The following DLGAP1 variants were observed in gnomAD, a reference collection of about 807,000 sequenced individuals.
The protein encoded by DLGAP1 is DLG associated protein 1.
In DLGAP1, 11 loss-of-function variants were observed where a neutral mutation model predicts 90.8. That is an observed-to-expected ratio of 0.12 (90% CI 0.08 to 0.20). The LOEUF (loss-of-function observed/expected upper bound fraction) is 0.20. DLGAP1 is among the 10% of genes least tolerant of loss of function. The pLI is 1.00. For missense variants in DLGAP1, 1,050 were observed against 1,333.8 expected, an observed-to-expected ratio of 0.79 and a Z score of 3.31; for synonymous variants, 558 against 540.7, an observed-to-expected ratio of 1.03 and a Z score of -0.44.
chr18:3,667,503 G>A (rs1227920334), intron 7 of DLGAP1, among the ~76,000 whole-genome samples: 1 of 152,166 alleles, frequency 6.6e-6, no homozygotes, highest in Non-Finnish European at 1.5e-5. Context: ...TGAGAACTAT[G>A]TGAGTTTTCC....
intron 2 of DLGAP1, among the ~76,000 whole-genome samples, chr18:4,043,298 AAATT>A (rs1388478751): frequency 6.6e-6 from 1 of 152,268 alleles, no homozygotes; most frequent in Non-Finnish European, 1.5e-5. Flanking sequence ...GACAAGCTTG[AAATT>A]AATCACCAAA....
intron 1 of DLGAP1, among the ~76,000 whole-genome samples, chr18:4,360,215 G>A (rs951762357): frequency 5.9e-5 from 9 of 152,176 alleles, no homozygotes; most frequent in Non-Finnish European, 1.0e-4. Flanking sequence ...GTGTGCTAAA[G>A]TTTAATTTTG....
chr18:3,543,059 T>C (rs1446027307), intron 9 of DLGAP1, among the ~76,000 whole-genome samples: 1 of 152,170 alleles, frequency 6.6e-6, no homozygotes, highest in East Asian at 1.9e-4. Flanking sequence ...CCAAAAAATG[T>C]TATTGTTGTT....
At chr18:4,339,238 T>C (rs933509630) in intron 1 of DLGAP1, among the ~76,000 whole-genome samples, 1 of 152,136 alleles carries the variant, frequency 6.6e-6, no homozygotes, top group Non-Finnish European at 1.5e-5. Context: ...GACCAAACAC[T>C]GCATGTTCTT....
At chr18:4,249,946 A>G (rs572225916) in intron 1 of DLGAP1, among the ~76,000 whole-genome samples, 2 of 152,252 alleles carry the variant, frequency 1.3e-5, no homozygotes, top group East Asian at 3.9e-4. Flanking sequence ...TCTCTGTCCT[A>G]TTCCACTGTC....
rs953337342 is a variant in DLGAP1, at chr18:3,499,385, C to A, written c.2734G>T (p.Ala912Ser). The stretch of plus-strand genomic sequence containing the variant: ...GGCTTCTTTGGCACTGGAGGAGGGG[C>A]CCTTCTCTCCTGATCAAAGCAGAAG... ...MDPLDKKERRAPPPVPKKPAK... is the reference protein window; with the variant it reads ...MDPLDKKERRSPPPVPKKPAK... The change falls in exon 13 of 13, where the codon GCC (alanine) becomes TCC (serine). Residue 912 changes from alanine (A) to serine (S), a missense_variant. Ala to Ser is a moderately conservative substitution (Grantham distance 99). This residue lies in a region of DLGAP1 where 565 missense variants were observed against 879.7 expected (regional missense o/e 0.64). Coordinates refer to ENST00000315677, the MANE Select transcript of DLGAP1 (RefSeq NM_004746.4). The surrounding 1 kb of genome is among the most constrained non-coding windows in gnomAD (Gnocchi z 6.4). 6.5e-7 allele frequency: 1 copy of A among 1,549,168 alleles called. No individual in the cohort carries two copies. The highest frequency in any genetic ancestry group is 1.7e-4 in the Middle Eastern group (1 of 5,850).
chr18:3,499,762 C>A lies in DLGAP1; in HGVS notation c.2725-368G>T, dbSNP rs2049833137. Among the ~76,000 whole-genome samples the A allele has an allele frequency of 6.6e-6, 1 of 152,028 alleles. No homozygotes were observed. Among genetic ancestry groups the A allele is most frequent in the African/African-American group, 2.4e-5 (1 of 41,382 alleles). ...GTGCCAGAGATGGGCCAGGAAGCAG[C>A]GGCTGCAGCAGCATCTTAGAACCCC... On this transcript the variant is annotated intron_variant, in intron 12 of 12. Transcript: ENST00000315677. This position sits in a 1 kb window ranked among gnomAD's most constrained non-coding sequence, Gnocchi z 6.4.
chr18:4,299,574 C>G (rs997649592), intron 1 of DLGAP1, among the ~76,000 whole-genome samples: 1 of 152,194 alleles, frequency 6.6e-6, no homozygotes, highest in Non-Finnish European at 1.5e-5. Flanking sequence ...AAATGTCTTG[C>G]TTTTTCAAAT....
In DLGAP1 at chr18:4,024,015, T is replaced by G. The variant is rs191188280; in HGVS notation, c.-158-18814A>C. Among the ~76,000 whole-genome samples the G allele has an allele frequency of 2.0e-3, 306 of 152,346 alleles. 3 individuals carry two copies. The highest frequency in any genetic ancestry group is 4.6e-4 in the Non-Finnish European group (31 of 68,034). ...TCTCTCATTGGCATTTATCTCGATGTAATTGACTTGAGGTTTCTGGTCTTG... is the reference window on the plus strand; with the variant it reads ...TCTCTCATTGGCATTTATCTCGATGGAATTGACTTGAGGTTTCTGGTCTTG... On this transcript the variant is annotated intron_variant, in intron 2 of 12. Coordinates refer to ENST00000315677, the MANE Select transcript of DLGAP1 (RefSeq NM_004746.4).
At chr18:4,230,299 T>G (rs1020281081) in intron 1 of DLGAP1, among the ~76,000 whole-genome samples, 1 of 152,032 alleles carries the variant, frequency 6.6e-6, no homozygotes, top group Admixed American at 6.6e-5. Flanking sequence ...GCAAAGAAAG[T>G]GAATTCGTAT....
chr18:4,108,387 T>C (rs574128021), intron 2 of DLGAP1, among the ~76,000 whole-genome samples: 4 of 152,200 alleles, frequency 2.6e-5, no homozygotes, highest in Admixed American at 2.0e-4. Context: ...GTCTCCTTTC[T>C]GAAGGCTCCT....
intron 2 of DLGAP1, among the ~76,000 whole-genome samples, chr18:4,123,710 A>G (rs568795790): frequency 6.6e-6 from 1 of 152,282 alleles, no homozygotes; most frequent in Non-Finnish European, 1.5e-5. Flanking sequence ...TGCGAATACA[A>G]AAAGCGGAGG....
At chr18:3,918,538 G>T (rs1166936846) in intron 3 of DLGAP1, among the ~76,000 whole-genome samples, 3 of 152,130 alleles carry the variant, frequency 2.0e-5, no homozygotes, top group Non-Finnish European at 2.9e-5. Context: ...ATTCAGGGAA[G>T]TGAATCACAG....
At chr18:3,630,290 C>A (rs1312603534) in intron 7 of DLGAP1, among the ~76,000 whole-genome samples, 1 of 152,154 alleles carries the variant, frequency 6.6e-6, no homozygotes, top group African/African-American at 2.4e-5. Context: ...TTTTTTCCAG[C>A]CTTCAGACTT....
At chr18:3,537,583 A>G (rs190024288) in intron 9 of DLGAP1, among the ~76,000 whole-genome samples, 15 of 152,306 alleles carry the variant, frequency 9.8e-5, no homozygotes, top group Non-Finnish European at 1.8e-4. Flanking sequence ...GGGTATACAG[A>G]TAACTCTTTG....
intron 12 of DLGAP1, 191 bp downstream of exon 12, chr18:3,502,302 A>G (rs762355311): frequency 1.2e-5 from 16 of 1,324,202 alleles, no homozygotes; most frequent in African/African-American, 1.5e-5. Context: ...TTCTTTAAAA[A>G]TATGCCTGAA....
chr18:4,241,622 C>G (rs1430171998), intron 1 of DLGAP1, among the ~76,000 whole-genome samples: 1 of 152,118 alleles, frequency 6.6e-6, no homozygotes, highest in Non-Finnish European at 1.5e-5. Flanking sequence ...AATAATATAC[C>G]ATCATTCTGA....
intron 2 of DLGAP1, among the ~76,000 whole-genome samples, chr18:4,034,485 T>C (rs368352594): frequency 3.0e-4 from 45 of 152,336 alleles, no homozygotes; most frequent in African/African-American, 1.1e-3. Flanking sequence ...TGCCTTATTG[T>C]AAGCAAAACT....
rs1290315407 is a variant in DLGAP1 at position 4,383,648 on chromosome 18, T to C, written c.-267+71358A>G. Among the ~76,000 whole-genome samples, 1 of 152,140 alleles carries C rather than the reference T, an allele frequency of 6.6e-6. No homozygotes were observed. The highest frequency in any genetic ancestry group is 6.6e-5 in the Admixed American group (1 of 15,262). On this transcript the variant is annotated intron_variant, in intron 1 of 12. Transcript: ENST00000315677. The surrounding 1 kb of genome is among the most constrained non-coding windows in gnomAD (Gnocchi z 4.0). ...AGAACTGCTTTCTGACTATGCTATG[T>C]AGAATGCGAAGTGATTAAACATCAC...
Sources: gnomAD v4.1 joint callset for allele counts (sites outside exome capture counted in the v4.1 genomes callset) on GRCh38, gnomAD v4.1.1 for gene constraint, gnomAD v4.1.1 regional missense constraint, Gnocchi (gnomAD v3.1) non-coding constraint, MANE v1.5 for transcripts, NCBI Gene and HGNC (gene_info 2026-07-23, HGNC 2026-07-21) for gene names.